The following AGR3 variants were observed in gnomAD, a reference collection of about 807,000 sequenced individuals.
The protein encoded by AGR3 is anterior gradient 3, protein disulphide isomerase family member.
A neutral mutation model predicts 24.5 loss-of-function variants in AGR3; 37 were observed. The ratio of observed to expected loss-of-function variants is 1.51; its 90% CI spans 1.16 to 1.99. The LOEUF (loss-of-function observed/expected upper bound fraction) is 1.99. Ranked by LOEUF, AGR3 falls within the 30% of genes most tolerant of loss-of-function variation. The probability of loss-of-function intolerance (pLI) is 0.00; values close to 1 mark genes in which losing one functional copy is unlikely to be tolerated. For missense variants in AGR3, 228 were observed against 191.1 expected (o/e 1.19, Z -1.14); for synonymous variants, 75 against 61.6 (o/e 1.22, Z -1.02).
intron 2 of AGR3, among the ~76,000 whole-genome samples, chr7:16,878,096 G>C (rs771152645): frequency 2.7e-5 from 4 of 150,602 alleles, no homozygotes; most frequent in Admixed American, 6.6e-5. Flanking sequence ...TTCTGGGAAG[G>C]CTTATATAAA....
At chr7:16,857,720 A>G (rs1781573492), downstream of AGR3, among the ~76,000 whole-genome samples, 1 of 152,194 alleles carries the variant, frequency 6.6e-6, no homozygotes, top group South Asian at 2.1e-4. Context: ...ATGGGTCTCT[A>G]GTACTGATAA....
rs1782042811 is a variant in AGR3, at chr7:16,878,654, C to T, written c.-27-9G>A. The stretch of plus-strand genomic sequence containing the variant: ...GACTCTCTCAGAAGAAGCTAGATGA[C>T]AGAAAGGAATTCTCAGAATCCAGTG... On this transcript the variant is annotated splice_polypyrimidine_tract_variant and intron_variant, in intron 1 of 7. Transcript: ENST00000310398. 1.9e-6 allele frequency: 3 copies of T among 1,558,272 alleles called. No homozygotes were observed. The highest frequency in any genetic ancestry group is 8.8e-7 in the Non-Finnish European group (1 of 1,131,958).
chr7:16,880,769 A>T (rs1325477997), intron 1 of AGR3, among the ~76,000 whole-genome samples: 5 of 152,110 alleles, frequency 3.3e-5, no homozygotes, highest in Non-Finnish European at 5.9e-5. Flanking sequence ...AAACAAATAC[A>T]GGGTGGATTT....
intron 6 of AGR3, 69 bp from the exon 7 acceptor site, chr7:16,860,652 TTAA>T (rs1781623698): frequency 5.5e-6 from 6 of 1,082,848 alleles, no homozygotes; most frequent in Non-Finnish European, 8.3e-6. Flanking sequence ...TTGTAAAAAC[TTAA>T]TTATTATTTT....
At chr7:16,881,745 C>T (rs1159694266) in intron 1 of AGR3, among the ~76,000 whole-genome samples, 199 bp downstream of exon 1, 1 of 150,002 alleles carries the variant, frequency 6.7e-6, no homozygotes, top group Non-Finnish European at 1.5e-5. Flanking sequence ...TCAATTTATT[C>T]TAATACCATT....
intron 3 of AGR3, among the ~76,000 whole-genome samples, chr7:16,871,123 A>G (rs1781856252): frequency 6.6e-6 from 1 of 152,176 alleles, no homozygotes; most frequent in Non-Finnish European, 1.5e-5. Context: ...TTGGATTTTT[A>G]AAAAAGCTAC....
chr7:16,864,322 G>A (rs1781707438), intron 3 of AGR3: 10 of 1,356,952 alleles, frequency 7.4e-6, no homozygotes, highest in Non-Finnish European at 9.5e-6. Context: ...GTCTCCTTGG[G>A]CTGAAAAGAG....
At chr7:16,881,886 T>C (rs1299614975) in intron 1 of AGR3, 58 bp downstream of exon 1, 5 of 470,396 alleles carry the variant, frequency 1.1e-5, no homozygotes, top group African/African-American at 2.0e-5. Context: ...AAGGTGATTA[T>C]TTAAATATAG....
chr7:16,855,097 G>T (rs905014204), downstream of AGR3, among the ~76,000 whole-genome samples: 1 of 151,984 alleles, frequency 6.6e-6, no homozygotes, highest in African/African-American at 2.4e-5. Context: ...TTCACATATC[G>T]ATCATCCCAA....
chr7:16,860,734 G>T (rs1781625119), intron 6 of AGR3, 151 bp from the exon 7 acceptor site: 1 of 600,356 alleles, frequency 1.7e-6, no homozygotes, highest in African/African-American at 1.9e-5. Flanking sequence ...TTGGGCTTCA[G>T]CTGAACCCAA....
At chr7:16,876,436 T>C (rs1022054324) in intron 2 of AGR3, among the ~76,000 whole-genome samples, 2 of 152,164 alleles carry the variant, frequency 1.3e-5, no homozygotes, top group African/African-American at 4.8e-5. Context: ...TGTGTATTTT[T>C]TTCTCCCTGA....
chr7:16,856,811 A>C (rs1244720241), downstream of AGR3, among the ~76,000 whole-genome samples: 1 of 150,894 alleles, frequency 6.6e-6, no homozygotes, highest in Non-Finnish European at 1.5e-5. Flanking sequence ...ATACACACAC[A>C]CATACACACA....
intron 3 of AGR3, among the ~76,000 whole-genome samples, chr7:16,873,172 G>A (rs1583844278): frequency 6.6e-6 from 1 of 152,040 alleles, no homozygotes; most frequent in South Asian, 2.1e-4. Flanking sequence ...ATTCACAATA[G>A]CCAAGATATA....
rs928010165 is a variant in AGR3, at chr7:16,865,658, C to G, written c.174-2996G>C. On this transcript the variant is annotated intron_variant, in intron 3 of 7. Transcript: ENST00000310398. ...AACCAGAATTATCTTCTTATCAGTT[C>G]TCAGATGATCTCCAAGCATTTGTAA... 2.5e-5 allele frequency: 20 copies of G among 796,526 alleles called. 1 individual carries two copies. Among genetic ancestry groups the G allele is most frequent in the Non-Finnish European group, 4.3e-5 (19 of 440,520 alleles). 49.3% of individuals were successfully genotyped at this position (796,526 alleles called of 1,614,324 possible). A position where few individuals can be genotyped will look rare whatever the true frequency, so the allele number is the denominator to read the frequency against.
intron 3 of AGR3, among the ~76,000 whole-genome samples, chr7:16,867,692 G>T (rs1781785472): frequency 6.6e-6 from 1 of 151,984 alleles, no homozygotes; most frequent in Non-Finnish European, 1.5e-5. Context: ...ATTTTCCTTT[G>T]TTTCTATGAG....
chr7:16,854,947 A>G (rs777053076), downstream of AGR3, among the ~76,000 whole-genome samples: 3 of 152,182 alleles, frequency 2.0e-5, no homozygotes, highest in Non-Finnish European at 2.9e-5. Context: ...ATATTGGGTT[A>G]GGGGCCCATT....
chr7:16,869,089 G>A (rs1005093559), intron 3 of AGR3, among the ~76,000 whole-genome samples: 17 of 152,168 alleles, frequency 1.1e-4, no homozygotes, highest in Admixed American at 1.0e-3. Flanking sequence ...CAAGTCCAAT[G>A]TTTCCTTATT....
intron 3 of AGR3, chr7:16,865,034 T>C: frequency 1.2e-6 from 1 of 821,404 alleles, no homozygotes; most frequent in Non-Finnish European, 2.2e-6. Flanking sequence ...CCTGTTCATA[T>C]TCTGATAAAT....
intron 3 of AGR3, among the ~76,000 whole-genome samples, chr7:16,869,835 A>G (rs1781831594): frequency 6.6e-6 from 1 of 151,742 alleles, no homozygotes; most frequent in Non-Finnish European, 1.5e-5. Context: ...TATACTGTTT[A>G]TTATTGCTTT....
Sources: allele counts gnomAD v4.1 joint callset (sites outside exome capture counted in the v4.1 genomes callset), GRCh38; gene constraint gnomAD v4.1.1; transcripts MANE v1.5; gene names NCBI Gene and HGNC (gene_info 2026-07-23, HGNC 2026-07-21).